ANKS1B: variants seen among roughly 807,000 people sequenced by gnomAD.
ANKS1B encodes the protein ankyrin repeat and sterile alpha motif domain containing 1B, also known as ankyrin repeat and sterile alpha motif domain-containing protein 1B.
ANKS1B carries 36 observed loss-of-function variants against 148.3 expected under a neutral mutation model. The ratio of observed to expected loss-of-function variants is 0.24; its 90% CI spans 0.19 to 0.32. The LOEUF (loss-of-function observed/expected upper bound fraction) is 0.32, where lower values mean the gene tolerates loss of function less well. Ranked by LOEUF, ANKS1B falls within the 10% of genes least tolerant of loss-of-function variation. The probability of loss-of-function intolerance (pLI) is 1.00; values close to 1 mark genes in which losing one functional copy is unlikely to be tolerated. For missense variants in ANKS1B, 1,157 were observed against 1,542.6 expected (o/e 0.75, Z 4.19); for synonymous variants, 542 against 560.8 (o/e 0.97, Z 0.47).
intron 4 of ANKS1B, among the ~76,000 whole-genome samples, chr12:99,797,735 T>C (rs192008215): frequency 1.1e-4 from 17 of 151,850 alleles, no homozygotes; most frequent in African/African-American, 3.9e-4. Flanking sequence ...ATGATATATA[T>C]GTTAACATCA....
chr12:99,325,852 A>G (rs569429817), intron 12 of ANKS1B, among the ~76,000 whole-genome samples: 28 of 152,190 alleles, frequency 1.8e-4, no homozygotes, highest in Non-Finnish European at 4.0e-4. Flanking sequence ...GTCTGTTTTC[A>G]TACTACTATA....
intron 12 of ANKS1B, among the ~76,000 whole-genome samples, chr12:99,380,754 C>CTCCCTCCT (rs372925576): frequency 2.3e-5 from 3 of 132,728 alleles, no homozygotes; most frequent in Admixed American, 1.5e-4. Context: ...GTTTCCTTTC[C>CTCCCTCCT]TCCTTCCTTC....
chr12:99,810,742 A>G (rs1338447824), intron 3 of ANKS1B, among the ~76,000 whole-genome samples: 5 of 152,040 alleles, frequency 3.3e-5, no homozygotes, highest in Non-Finnish European at 1.5e-5. Context: ...ATGTAAGTGA[A>G]TACTATATGT....
chr12:98,925,175 G>C (rs2099806471), intron 17 of ANKS1B, among the ~76,000 whole-genome samples: 1 of 152,176 alleles, frequency 6.6e-6, no homozygotes, highest in Non-Finnish European at 1.5e-5. Flanking sequence ...ATTTCTTAAA[G>C]AGTTCTGTGT....
chr12:99,746,631 A>T (rs11110023), intron 8 of ANKS1B, among the ~76,000 whole-genome samples: 66,409 of 151,878 alleles, frequency 0.44, 14,936 homozygotes, highest in South Asian at 0.61. Flanking sequence ...AGTAACATTA[A>T]CTAGGACAGA....
chr12:99,410,693 A>G, intron 11 of ANKS1B, among the ~76,000 whole-genome samples: 1 of 152,048 alleles, frequency 6.6e-6, no homozygotes, highest in Non-Finnish European at 1.5e-5. Context: ...ACCAACAAAC[A>G]AAAGTTAACA....
At chr12:99,856,692 A>C (rs570811282) in intron 1 of ANKS1B, among the ~76,000 whole-genome samples, 2 of 152,312 alleles carry the variant, frequency 1.3e-5, no homozygotes, top group South Asian at 4.1e-4. Flanking sequence ...ACCACAATCA[A>C]GTGGGTTTCA....
chr12:99,396,060 G>A (rs923385973), intron 12 of ANKS1B, among the ~76,000 whole-genome samples: 2 of 151,960 alleles, frequency 1.3e-5, no homozygotes, highest in Non-Finnish European at 2.9e-5. Context: ...TCAAATAATA[G>A]TATTAAAAAC....
chr12:99,514,277 C>G (rs551217185), intron 9 of ANKS1B, among the ~76,000 whole-genome samples: 16 of 152,146 alleles, frequency 1.1e-4, no homozygotes, highest in African/African-American at 3.9e-4. Flanking sequence ...CTTGCAACCT[C>G]TGCTAGAATT....
At chr12:99,819,970 G>T (rs1270413572) in intron 2 of ANKS1B, among the ~76,000 whole-genome samples, 1 of 151,344 alleles carries the variant, frequency 6.6e-6, no homozygotes, top group Non-Finnish European at 1.5e-5. Flanking sequence ...GCTTTTCAGA[G>T]GAGAATTAAG....
At chr12:99,781,458 T>G (rs2064319029) in intron 5 of ANKS1B, among the ~76,000 whole-genome samples, 1 of 152,186 alleles carries the variant, frequency 6.6e-6, no homozygotes, top group African/African-American at 2.4e-5. Flanking sequence ...TCAATCAGAA[T>G]GCACATATGA....
At chr12:99,453,238 C>G (rs1020485023) in intron 10 of ANKS1B, among the ~76,000 whole-genome samples, 1 of 151,648 alleles carries the variant, frequency 6.6e-6, no homozygotes, top group African/African-American at 2.4e-5. Flanking sequence ...TGGAGTGAGC[C>G]GAGATTGCAC....
Position 99,885,721 on chromosome 12 carries a change from C to T in ANKS1B, c.135-60332G>A, listed in dbSNP as rs572456261. On this transcript the variant is annotated intron_variant, in intron 1 of 26. Transcript: ENST00000683438. ...CCACCCGAGCAGTGTCCATTGTATC[C>T]AGTATGTAGTTTTTTTATCCCTTAC... 2.0e-4 allele frequency among the ~76,000 whole-genome samples: 31 copies of T among 152,080 alleles called. No individual in the cohort carries two copies. In the South Asian group the frequency reaches 3.5e-3, roughly 17 times the overall value.
chr12:99,224,437 C>A (rs1365283086), intron 14 of ANKS1B, among the ~76,000 whole-genome samples: 1 of 152,120 alleles, frequency 6.6e-6, no homozygotes. Context: ...TCTCCTGGTG[C>A]TGTTCTTACG....
chr12:99,593,167 T>C (rs370849972), intron 9 of ANKS1B, among the ~76,000 whole-genome samples: 3 of 152,088 alleles, frequency 2.0e-5, no homozygotes, highest in African/African-American at 7.2e-5. Flanking sequence ...ACCCCCATCA[T>C]GGCCAGAACC....
intron 12 of ANKS1B, among the ~76,000 whole-genome samples, chr12:99,376,034 G>A (rs1012360616): frequency 1.2e-4 from 19 of 152,134 alleles, no homozygotes; most frequent in African/African-American, 4.3e-4. Flanking sequence ...AAATGATCTC[G>A]ACCACAAAAT....
intron 1 of ANKS1B, among the ~76,000 whole-genome samples, chr12:99,973,600 T>C (rs2095588087): frequency 6.6e-6 from 1 of 151,988 alleles, no homozygotes; most frequent in African/African-American, 2.4e-5. Flanking sequence ...AGATAAAACA[T>C]TTGTGGTTCA....
chr12:99,613,419 C>T (rs1406614963), intron 9 of ANKS1B, among the ~76,000 whole-genome samples: 2 of 152,002 alleles, frequency 1.3e-5, no homozygotes, highest in East Asian at 1.9e-4. Flanking sequence ...CACTGCAGCA[C>T]TATTCATAAT....
intron 22 of ANKS1B, among the ~76,000 whole-genome samples, chr12:98,797,397 C>A (rs1347068167): frequency 6.6e-6 from 1 of 152,142 alleles, no homozygotes; most frequent in East Asian, 1.9e-4. Flanking sequence ...GCCTCCATTT[C>A]TTCGTCTGTA....
Sources: allele counts gnomAD v4.1 joint callset (sites outside exome capture counted in the v4.1 genomes callset), GRCh38; gene constraint gnomAD v4.1.1; transcripts MANE v1.5; gene names NCBI Gene and HGNC (gene_info 2026-07-23, HGNC 2026-07-21).